Variants in APBB1IP observed in about 807,000 individuals in gnomAD.
The protein encoded by APBB1IP is amyloid beta A4 precursor protein-binding family B member 1-interacting protein.
A neutral mutation model predicts 64.9 loss-of-function variants in APBB1IP; 27 were observed. The observed-to-expected ratio is 0.42, with a 90% confidence interval of 0.31 to 0.57. The LOEUF (loss-of-function observed/expected upper bound fraction) is 0.57. Ranked by LOEUF, APBB1IP falls within the 20% of genes least tolerant of loss-of-function variation. APBB1IP has a pLI of 0.20. For synonymous variants in APBB1IP, 392 were observed against 331.0 expected, an observed-to-expected ratio of 1.18 and a Z score of -2.00; for missense variants, 812 against 845.5, an observed-to-expected ratio of 0.96 and a Z score of 0.49.
chr10:26,469,923 TC>T (rs1241171284), intron 2 of APBB1IP, among the ~76,000 whole-genome samples: 1 of 152,202 alleles, frequency 6.6e-6, no homozygotes, highest in African/African-American at 2.4e-5. Flanking sequence ...TAAATCCTTT[TC>T]CCTTTTATTT....
chr10:26,556,961 A>G (rs1476480285), intron 11 of APBB1IP, among the ~76,000 whole-genome samples: 3 of 152,294 alleles, frequency 2.0e-5, no homozygotes, highest in Admixed American at 6.5e-5. Flanking sequence ...GGCTTTGCAC[A>G]TGTTATTGTT....
Position 26,530,418 on chromosome 10 carries a change from A to G in APBB1IP, c.814-3021A>G, listed in dbSNP as rs149534840. Among the ~76,000 whole-genome samples the G allele has an allele frequency of 6.0e-3, 910 of 151,998 alleles. 8 individuals carry two copies. The highest frequency in any genetic ancestry group is 0.021 in the African/African-American group (863 of 41,458). ...AAATTATTTAATAACTTGGCCAGGT[A>G]TGGTGGCTCACGCATGTAATCGCAG... On this transcript the variant is annotated intron_variant, in intron 8 of 14. Coordinates refer to ENST00000376236, the MANE Select transcript of APBB1IP (RefSeq NM_019043.4).
intron 2 of APBB1IP, among the ~76,000 whole-genome samples, chr10:26,467,472 G>A (rs1467038967): frequency 6.6e-6 from 1 of 152,162 alleles, no homozygotes; most frequent in African/African-American, 2.4e-5. Flanking sequence ...CAAGAGTTCT[G>A]ATTCCATAAT....
intron 7 of APBB1IP, 143 bp downstream of exon 7, chr10:26,512,049 C>G: frequency 9.5e-7 from 1 of 1,048,280 alleles, no homozygotes; most frequent in Non-Finnish European, 1.3e-6. Flanking sequence ...AGGCTGATCT[C>G]AAAATCCTGT....
At chr10:26,444,476 A>G (rs931568639) in intron 2 of APBB1IP, among the ~76,000 whole-genome samples, 1 of 152,170 alleles carries the variant, frequency 6.6e-6, no homozygotes, top group African/African-American at 2.4e-5. Flanking sequence ...GATTCTGCGT[A>G]TATTTTGAAG....
chr10:26,560,450 G>A (rs1385556523), intron 12 of APBB1IP, among the ~76,000 whole-genome samples: 1 of 152,136 alleles, frequency 6.6e-6, no homozygotes, highest in African/African-American at 2.4e-5. Flanking sequence ...AACGCAAGAT[G>A]GAACCTGTGA....
chr10:26,493,318 A>C (rs770738652), intron 3 of APBB1IP, among the ~76,000 whole-genome samples: 1 of 152,214 alleles, frequency 6.6e-6, no homozygotes, highest in African/African-American at 2.4e-5. Context: ...GGCGACATAC[A>C]TCTTTAGCTT....
intron 2 of APBB1IP, among the ~76,000 whole-genome samples, chr10:26,476,446 CAAA>C (rs58548133): frequency 0.028 from 2,182 of 78,176 alleles, 58 homozygotes; most frequent in African/African-American, 0.11. Flanking sequence ...GACCCTGTCT[CAAA>C]AAAAAAAAAA....
intron 4 of APBB1IP, among the ~76,000 whole-genome samples, chr10:26,497,333 C>G (rs1484705874): frequency 6.6e-6 from 1 of 152,050 alleles, no homozygotes; most frequent in Non-Finnish European, 1.5e-5. Flanking sequence ...GGGCAGATCA[C>G]AAGGTCAGGA....
intron 2 of APBB1IP, among the ~76,000 whole-genome samples, chr10:26,487,628 G>C (rs186192003): frequency 3.5e-4 from 53 of 152,234 alleles, no homozygotes; most frequent in Admixed American, 2.7e-3. Context: ...ATGAATGCAG[G>C]GAGAGGTCAC....
In APBB1IP at chr10:26,480,207, T is replaced by C. The variant is rs11015124; in HGVS notation, c.1-12120T>C. ...ACGAAATGCATCATGGGAGGGCTTT[T>C]GCTGGACTCCAAGTAAAGTGGAGAT... On this transcript the variant is annotated intron_variant, in intron 2 of 14. Coordinates refer to ENST00000376236, the MANE Select transcript of APBB1IP (RefSeq NM_019043.4). 1.8e-4 allele frequency among the ~76,000 whole-genome samples: 27 copies of C among 152,262 alleles called. No individual in the cohort carries two copies. In the East Asian group the frequency reaches 5.2e-3, roughly 29 times the overall value.
At chr10:26,503,748 A>G (rs1333520250) in intron 6 of APBB1IP, among the ~76,000 whole-genome samples, 1 of 152,232 alleles carries the variant, frequency 6.6e-6, no homozygotes, top group African/African-American at 2.4e-5. Context: ...TGTTCTTTCT[A>G]TAACATCAGT....
chr10:26,565,745 T>G (rs1200039026), intron 14 of APBB1IP, among the ~76,000 whole-genome samples: 2 of 152,182 alleles, frequency 1.3e-5, no homozygotes, highest in Admixed American at 6.5e-5. Context: ...TGTTCTAAAG[T>G]GCAATCTTAA....
chr10:26,489,372 T>G (rs751157638), intron 2 of APBB1IP, among the ~76,000 whole-genome samples: 3 of 152,118 alleles, frequency 2.0e-5, no homozygotes, highest in Non-Finnish European at 4.4e-5. Context: ...AATAATTTTT[T>G]TCTTCTTAAA....
intron 2 of APBB1IP, among the ~76,000 whole-genome samples, chr10:26,439,387 T>A (rs897867272): frequency 4.6e-5 from 7 of 152,210 alleles, no homozygotes; most frequent in African/African-American, 1.7e-4. Context: ...TTCCTCTTTT[T>A]AAAAATAACT....
Position 26,536,072 on chromosome 10 carries a change from A to G in APBB1IP, c.901-2A>G. On this transcript the variant is annotated splice_acceptor_variant, in intron 9 of 14. Transcript: ENST00000376236. LOFTEE classifies it high-confidence loss of function. ...CTTATGTCGTCGGAATCTCACTTTC[A>G]GGAAAGTTTCTGTGGAACATCTATC... 1 of 1,581,528 alleles carries G rather than the reference A, an allele frequency of 6.3e-7. No homozygotes were observed. The highest frequency in any genetic ancestry group is 8.5e-7 in the Non-Finnish European group (1 of 1,169,728).
intron 11 of APBB1IP, among the ~76,000 whole-genome samples, chr10:26,556,537 G>T (rs936997414): frequency 2.0e-5 from 3 of 152,214 alleles, no homozygotes; most frequent in Non-Finnish European, 4.4e-5. Flanking sequence ...TCATCAGGGG[G>T]CTGTTTTATG....
chr10:26,510,542 G>A (rs1208389281), intron 6 of APBB1IP, among the ~76,000 whole-genome samples: 2 of 152,008 alleles, frequency 1.3e-5, no homozygotes, highest in Non-Finnish European at 2.9e-5. Flanking sequence ...AAACCAACAT[G>A]GGCAACATAG....
At chr10:26,545,745 G>A (rs1017528747) in intron 11 of APBB1IP, among the ~76,000 whole-genome samples, 3 of 148,626 alleles carry the variant, frequency 2.0e-5, no homozygotes, top group Non-Finnish European at 4.5e-5. Flanking sequence ...GGGCGACAGA[G>A]CGAGACTCCG....
Sources: gnomAD v4.1 joint callset for allele counts (sites outside exome capture counted in the v4.1 genomes callset) on GRCh38, gnomAD v4.1.1 for gene constraint, MANE v1.5 for transcripts, NCBI Gene and HGNC (gene_info 2026-07-23, HGNC 2026-07-21) for gene names.